The following TFAP2D variants were observed in gnomAD, a reference collection of about 807,000 sequenced individuals.
TFAP2D encodes the protein transcription factor AP-2 delta.
In TFAP2D, 9 loss-of-function variants were observed where a neutral mutation model predicts 43.6. The ratio of observed to expected loss-of-function variants is 0.21; its 90% CI spans 0.12 to 0.36. The LOEUF is 0.36. TFAP2D is among the 10% of genes least tolerant of loss of function. TFAP2D has a pLI of 1.00. For synonymous variants in TFAP2D, 256 were observed against 224.9 expected, an observed-to-expected ratio of 1.14 and a Z score of -1.24; for missense variants, 513 against 561.4, an observed-to-expected ratio of 0.91 and a Z score of 0.87.
intron 6 of TFAP2D, among the ~76,000 whole-genome samples, chr6:50,749,911 A>G (rs1478421464): frequency 6.6e-6 from 1 of 151,876 alleles, no homozygotes; most frequent in East Asian, 1.9e-4. Context: ...TGTTTTTCCT[A>G]TCTCTGACTC....
intron 5 of TFAP2D, among the ~76,000 whole-genome samples, chr6:50,741,823 G>T (rs866702664): frequency 6.6e-6 from 1 of 151,652 alleles, no homozygotes; most frequent in Non-Finnish European, 1.5e-5. Context: ...CAGGAGTGAG[G>T]TGATGGCAGC....
At chr6:50,741,025 T>G (rs1418721339) in intron 5 of TFAP2D, among the ~76,000 whole-genome samples, 1 of 152,124 alleles carries the variant, frequency 6.6e-6, no homozygotes, top group African/African-American at 2.4e-5. Context: ...TTTACGTTCT[T>G]GCTATGTTCT....
chr6:50,767,375 A>T (rs1769459430), intron 7 of TFAP2D, among the ~76,000 whole-genome samples: 1 of 152,162 alleles, frequency 6.6e-6, no homozygotes, highest in South Asian at 2.1e-4. Flanking sequence ...TGTAGTAAAA[A>T]TCTGATATAC....
intron 7 of TFAP2D, among the ~76,000 whole-genome samples, chr6:50,758,036 G>A (rs1769313750): frequency 6.6e-6 from 1 of 150,894 alleles, no homozygotes; most frequent in Non-Finnish European, 1.5e-5. Flanking sequence ...TTCTCCACTG[G>A]TTCATTCTCA....
intron 5 of TFAP2D, among the ~76,000 whole-genome samples, chr6:50,737,068 C>A (rs1046865239): frequency 6.6e-6 from 1 of 152,118 alleles, no homozygotes; most frequent in African/African-American, 2.4e-5. Context: ...ACAGCCTCTA[C>A]CTCCTAGACT....
intron 5 of TFAP2D, among the ~76,000 whole-genome samples, chr6:50,738,221 T>C (rs1768989350): frequency 6.6e-6 from 1 of 152,130 alleles, no homozygotes; most frequent in Non-Finnish European, 1.5e-5. Flanking sequence ...GAGTAATATT[T>C]GTACTTTCGT....
chr6:50,754,263 T>C (rs1330866745), intron 7 of TFAP2D, among the ~76,000 whole-genome samples: 3 of 152,118 alleles, frequency 2.0e-5, no homozygotes, highest in South Asian at 4.1e-4. Flanking sequence ...CTTAGTGTAA[T>C]GTCTTCCATG....
rs1051319351 is a variant in TFAP2D, at chr6:50,729,109, T to C, written c.765-85T>C. 1.6e-5 allele frequency: 25 copies of C among 1,601,212 alleles called. No homozygotes were observed. The Middle Eastern group carries it at 8.3e-4, about 53-fold the overall frequency. ...AGTCATGATGTCTTCCATCTGATAG[T>C]GTATTCCCCATGTGGTCAAGTCGTC... On this transcript the variant is annotated intron_variant, in intron 4 of 7. Coordinates refer to ENST00000008391, the MANE Select transcript of TFAP2D (RefSeq NM_172238.4).
intron 7 of TFAP2D, among the ~76,000 whole-genome samples, chr6:50,767,604 T>G (rs1769462078): frequency 6.6e-6 from 1 of 152,176 alleles, no homozygotes; most frequent in East Asian, 1.9e-4. Flanking sequence ...AACACACCTG[T>G]TTTTCAGGCA....
At chr6:50,760,944 C>T (rs1000003457) in intron 7 of TFAP2D, among the ~76,000 whole-genome samples, 4 of 150,620 alleles carry the variant, frequency 2.7e-5, no homozygotes, top group Admixed American at 2.0e-4. Context: ...GAGTAGAAGG[C>T]ACTTATCTAG....
intron 7 of TFAP2D, among the ~76,000 whole-genome samples, chr6:50,756,395 T>G (rs1002958299): frequency 2.0e-5 from 3 of 152,094 alleles, no homozygotes; most frequent in Non-Finnish European, 2.9e-5. Context: ...CACCATCAAC[T>G]TGTGTTACTA....
intron 5 of TFAP2D, among the ~76,000 whole-genome samples, chr6:50,734,045 T>C (rs1275855855): frequency 6.6e-6 from 1 of 151,484 alleles, no homozygotes; most frequent in Non-Finnish European, 1.5e-5. Flanking sequence ...CAATGGAGGG[T>C]ATAAATATGT....
At chr6:50,731,039 T>A (rs1032744881) in intron 5 of TFAP2D, among the ~76,000 whole-genome samples, 1 of 152,066 alleles carries the variant, frequency 6.6e-6, no homozygotes, top group African/African-American at 2.4e-5. Flanking sequence ...ATTTTTATGG[T>A]AGCCAAGAGC....
chr6:50,714,918 G>GT (rs1768590462), intron 1 of TFAP2D, among the ~76,000 whole-genome samples, 198 bp from the exon 2 acceptor site: 2 of 152,060 alleles, frequency 1.3e-5, no homozygotes, highest in African/African-American at 4.8e-5. Flanking sequence ...GGACGAGGCC[G>GT]CCCACCCCCA....
At chr6:50,733,786 C>A (rs1168729009) in intron 5 of TFAP2D, among the ~76,000 whole-genome samples, 1 of 152,028 alleles carries the variant, frequency 6.6e-6, no homozygotes, top group East Asian at 1.9e-4. Flanking sequence ...CAGAGTATTA[C>A]CAGAAGGGAA....
At chr6:50,715,780 C>CAG (rs1768616531) in intron 2 of TFAP2D, among the ~76,000 whole-genome samples, 167 bp downstream of exon 2, 1 of 150,530 alleles carries the variant, frequency 6.6e-6, no homozygotes, top group Non-Finnish European at 1.5e-5. Flanking sequence ...CACACACACA[C>CAG]CACTTATGGA....
At chr6:50,757,533 C>A (rs1581776064) in intron 7 of TFAP2D, among the ~76,000 whole-genome samples, 4 of 52,012 alleles carry the variant, frequency 7.7e-5, no homozygotes, top group Admixed American at 3.5e-4. Flanking sequence ...TATAATTATT[C>A]TATATATATA....
At chr6:50,735,772 A>G (rs1768954268) in intron 5 of TFAP2D, among the ~76,000 whole-genome samples, 2 of 152,178 alleles carry the variant, frequency 1.3e-5, no homozygotes, top group African/African-American at 4.8e-5. Context: ...GAAACAAGGG[A>G]AAACAACCGA....
intron 7 of TFAP2D, among the ~76,000 whole-genome samples, chr6:50,766,312 T>A (rs147244182): frequency 6.6e-6 from 1 of 152,326 alleles, no homozygotes; most frequent in Non-Finnish European, 1.5e-5. Context: ...TTCATCTTTG[T>A]TCTTGTTTCT....
Sources: gnomAD v4.1 joint callset for allele counts (sites outside exome capture counted in the v4.1 genomes callset) on GRCh38, gnomAD v4.1.1 for gene constraint, MANE v1.5 for transcripts, NCBI Gene and HGNC (gene_info 2026-07-23, HGNC 2026-07-21) for gene names.